The following FAM168A variants were observed in gnomAD, a reference collection of about 807,000 sequenced individuals.
The protein encoded by FAM168A is protein FAM168A.
In FAM168A, 3 loss-of-function variants were observed where a neutral mutation model predicts 28.5. The ratio of observed to expected loss-of-function variants is 0.11; its 90% CI spans 0.05 to 0.27. The LOEUF (loss-of-function observed/expected upper bound fraction) is 0.27. Ranked by LOEUF, FAM168A falls within the 10% of genes least tolerant of loss-of-function variation. The pLI, the probability that FAM168A is intolerant of heterozygous loss-of-function variation, is 1.00. For missense variants in FAM168A, 222 were observed against 311.5 expected, an observed-to-expected ratio of 0.71 and a Z score of 2.16; for synonymous variants, 122 against 124.2, an observed-to-expected ratio of 0.98 and a Z score of 0.12.
At chr11:73,411,338 C>T in intron 5 of FAM168A, 56 bp downstream of exon 5, 1 of 1,534,724 alleles carries the variant, frequency 6.5e-7, no homozygotes, top group Non-Finnish European at 8.8e-7. Context: ...CACCACACTG[C>T]ACCCAGGCTG....
intron 1 of FAM168A, among the ~76,000 whole-genome samples, chr11:73,505,399 G>C (rs1309622221): frequency 2.0e-5 from 3 of 152,162 alleles, no homozygotes; most frequent in African/African-American, 7.2e-5. Context: ...CTATCTAACA[G>C]GGTTTTTATG....
chr11:73,476,231 G>A (rs1260168841), intron 1 of FAM168A, among the ~76,000 whole-genome samples: 2 of 152,080 alleles, frequency 1.3e-5, no homozygotes, highest in Non-Finnish European at 2.9e-5. Context: ...AAGCCTTCCT[G>A]GCCTGCGTTT....
At chr11:73,559,437 G>A (rs1335673147) in intron 1 of FAM168A, among the ~76,000 whole-genome samples, 1 of 151,648 alleles carries the variant, frequency 6.6e-6, no homozygotes, top group Non-Finnish European at 1.5e-5. Context: ...TGAGCGACAA[G>A]AGTGAAACTG....
chr11:73,491,551 T>C (rs757464983), intron 1 of FAM168A, among the ~76,000 whole-genome samples: 13 of 152,234 alleles, frequency 8.5e-5, no homozygotes, highest in Non-Finnish European at 1.6e-4. Flanking sequence ...TTCAACAGTA[T>C]TATGTAACAT....
intron 1 of FAM168A, among the ~76,000 whole-genome samples, chr11:73,529,475 T>C (rs1943489466): frequency 6.6e-6 from 1 of 152,232 alleles, no homozygotes; most frequent in African/African-American, 2.4e-5. Context: ...GTACACTATG[T>C]GCAAAGCACC....
chr11:73,556,829 T>C (rs1943897050), intron 1 of FAM168A, among the ~76,000 whole-genome samples: 1 of 151,740 alleles, frequency 6.6e-6, no homozygotes, highest in African/African-American at 2.4e-5. Flanking sequence ...AAGGACAGCC[T>C]GGCCAACATG....
At chr11:73,534,395 TTTTA>T (rs1472543595) in intron 1 of FAM168A, among the ~76,000 whole-genome samples, 47 of 151,450 alleles carry the variant, frequency 3.1e-4, no homozygotes, top group African/African-American at 9.2e-4. Context: ...CATTTTTTAT[TTTTA>T]TTTATTTATT....
chr11:73,404,782 G>A lies in FAM168A; in HGVS notation c.*1981C>T, dbSNP rs563615063. Reference sequence around the variant, plus strand: ...GCTCCTTCCAACCCAAGGGTTTCCTGATTTTTCCCTCCCTTAGGGAGACAT... The same window carrying A: ...GCTCCTTCCAACCCAAGGGTTTCCTAATTTTTCCCTCCCTTAGGGAGACAT... On this transcript the variant is annotated 3_prime_UTR_variant, in exon 8 of 8. Coordinates refer to ENST00000356467, the MANE Select transcript of FAM168A (RefSeq NM_015159.3). 1 of 152,352 alleles carries A rather than the reference G, an allele frequency of 6.6e-6. No individual in the cohort carries two copies. Among genetic ancestry groups the A allele is most frequent in the East Asian group, 1.9e-4 (1 of 5,180 alleles). 9.4% of individuals were successfully genotyped at this position (152,352 alleles called of 1,614,324 possible). A position where few individuals can be genotyped will look rare whatever the true frequency, so the allele number is the denominator to read the frequency against.
chr11:73,430,820 C>T, intron 2 of FAM168A, 50 bp from the exon 3 acceptor site: 1 of 1,378,960 alleles, frequency 7.3e-7, no homozygotes, highest in South Asian at 1.4e-5. Context: ...AAAAACAAAA[C>T]AAAACAAAAC....
At chr11:73,422,890 G>A (rs1164673745) in intron 3 of FAM168A, among the ~76,000 whole-genome samples, 1 of 152,144 alleles carries the variant, frequency 6.6e-6, no homozygotes, top group African/African-American at 2.4e-5. Context: ...CCCTGGATAC[G>A]GGGCCCTCAC....
chr11:73,535,705 C>A (rs1943570304), intron 1 of FAM168A, among the ~76,000 whole-genome samples: 1 of 148,412 alleles, frequency 6.7e-6, no homozygotes, highest in Non-Finnish European at 1.5e-5. Flanking sequence ...AGGCGTGAGC[C>A]ACCGCACCTC....
chr11:73,431,203 G>A (rs577545902), intron 2 of FAM168A, among the ~76,000 whole-genome samples: 5 of 152,166 alleles, frequency 3.3e-5, no homozygotes, highest in South Asian at 2.1e-4. Flanking sequence ...TTAGCCAGGC[G>A]TGGTGGTGGG....
intron 1 of FAM168A, among the ~76,000 whole-genome samples, chr11:73,573,236 A>G (rs1944128399): frequency 6.6e-6 from 1 of 152,232 alleles, no homozygotes; most frequent in South Asian, 2.1e-4. Flanking sequence ...TAACTTCTGT[A>G]CATACTCCTA....
chr11:73,573,972 G>A lies in FAM168A; in HGVS notation c.-19+23951C>T, dbSNP rs530655817. ...TCGTCTCAAAATACCAAGGGGCAGG[G>A]GTGGGGGCAGGGCATGGCGTTGCAC... On this transcript the variant is annotated intron_variant, in intron 1 of 7. Coordinates refer to ENST00000356467, the MANE Select transcript of FAM168A (RefSeq NM_015159.3). Among the ~76,000 whole-genome samples, 79 of 151,240 alleles carry A rather than the reference G, an allele frequency of 5.2e-4. No homozygotes were observed. In the South Asian group the frequency reaches 8.2e-3, roughly 16 times the overall value.
rs986863889 is a variant in FAM168A at position 73,564,582 on chromosome 11, C to CA, written c.-19+33340dup. ...TGAAACCCCGTCTCTACTAAAAATA[C>CA]AAAAAAAAAAATTAGCTGGGCATGG... On this transcript the variant is annotated intron_variant, in intron 1 of 7. Transcript: ENST00000356467. 3.2e-3 allele frequency among the ~76,000 whole-genome samples: 465 copies of CA among 143,640 alleles called. 3 individuals carry two copies. The highest frequency in any genetic ancestry group is 0.01 in the African/African-American group (397 of 39,300). 94.2% of individuals were successfully genotyped at this position (143,640 alleles called of 152,430 possible).
chr11:73,556,416 T>C (rs1207069465), intron 1 of FAM168A, among the ~76,000 whole-genome samples: 2 of 149,868 alleles, frequency 1.3e-5, no homozygotes, highest in Non-Finnish European at 3.0e-5. Flanking sequence ...ATAATAATAA[T>C]AATAATTTAA....
chr11:73,465,874 T>C (rs1867726913), intron 2 of FAM168A, among the ~76,000 whole-genome samples: 1 of 152,134 alleles, frequency 6.6e-6, no homozygotes, highest in African/African-American at 2.4e-5. Flanking sequence ...ACATTATAGA[T>C]TGCTGCAAGT....
intron 1 of FAM168A, among the ~76,000 whole-genome samples, chr11:73,568,877 T>C (rs968851962): frequency 6.6e-6 from 1 of 151,494 alleles, no homozygotes; most frequent in Non-Finnish European, 1.5e-5. Flanking sequence ...AAACCCTGTC[T>C]CAAAAAAACA....
chr11:73,488,733 A>G (rs1784048), intron 1 of FAM168A, among the ~76,000 whole-genome samples: 1 of 152,142 alleles, frequency 6.6e-6, no homozygotes, highest in Admixed American at 6.5e-5. Context: ...CACTACTTCA[A>G]GTCATTTCAC....
Sources: gnomAD v4.1 joint callset for allele counts (sites outside exome capture counted in the v4.1 genomes callset) on GRCh38, gnomAD v4.1.1 for gene constraint, MANE v1.5 for transcripts, NCBI Gene and HGNC (gene_info 2026-07-23, HGNC 2026-07-21) for gene names.